SERPINI1: variants seen among roughly 807,000 people sequenced by gnomAD.
SERPINI1 encodes serpin family I member 1.
SERPINI1 carries 19 observed loss-of-function variants against 41.1 expected under a neutral mutation model. That is an observed-to-expected ratio of 0.46 (90% CI 0.32 to 0.68). The LOEUF is 0.68. Among genes scored for constraint, SERPINI1 ranks in the 30% least tolerant of loss-of-function variants. SERPINI1 has a pLI of 0.03. For missense variants in SERPINI1, 460 were observed against 479.2 expected (o/e 0.96, Z 0.37); for synonymous variants, 138 against 156.6 (o/e 0.88, Z 0.89).
intron 1 of SERPINI1, 133 bp from the exon 2 acceptor site, chr3:167,788,978 A>C: frequency 2.4e-6 from 2 of 821,248 alleles, no homozygotes; most frequent in East Asian, 2.7e-5. Flanking sequence ...GAGAATCCTC[A>C]GAACTTAGCA....
At chr3:167,771,626 T>A (rs1726751280) in intron 1 of SERPINI1, among the ~76,000 whole-genome samples, 1 of 152,246 alleles carries the variant, frequency 6.6e-6, no homozygotes, top group South Asian at 2.1e-4. Flanking sequence ...GTTTAACTTT[T>A]TTTTTAGTTA....
At chr3:167,788,369 C>T (rs1003299037) in intron 1 of SERPINI1, among the ~76,000 whole-genome samples, 2 of 152,136 alleles carry the variant, frequency 1.3e-5, no homozygotes, top group African/African-American at 4.8e-5. Context: ...TAAATAGAAA[C>T]ACCAGTTTGT....
chr3:167,756,832 A>C (rs1196471809), intron 1 of SERPINI1, among the ~76,000 whole-genome samples: 1 of 152,228 alleles, frequency 6.6e-6, no homozygotes, highest in African/African-American at 2.4e-5. Flanking sequence ...AGTATCTACA[A>C]TATGCAACCA....
rs1727474714 is a variant in SERPINI1 at position 167,790,616 on chromosome 3, T to C, written c.481+14T>C. 4 of 1,564,900 alleles carry C rather than the reference T, an allele frequency of 2.6e-6. No individual in the cohort carries two copies. The highest frequency in any genetic ancestry group is 2.7e-5 in the African/African-American group (2 of 73,788). On this transcript the variant is annotated intron_variant, in intron 3 of 8. Coordinates refer to ENST00000446050, the MANE Select transcript of SERPINI1 (RefSeq NM_001122752.2). ...ATAACACAAACAGTATGTCACTTGG[T>C]TCCTTTCTTCCTCTAGTAGCTTAGT...
At chr3:167,792,835 T>TA in intron 4 of SERPINI1, 51 bp downstream of exon 4, 1 of 1,457,320 alleles carries the variant, frequency 6.9e-7, no homozygotes, top group Non-Finnish European at 9.6e-7. Context: ...TATCAACAGA[T>TA]TTCTAAGAAA....
intron 1 of SERPINI1, among the ~76,000 whole-genome samples, chr3:167,752,997 T>G (rs1726091182): frequency 6.6e-6 from 1 of 152,196 alleles, no homozygotes; most frequent in Non-Finnish European, 1.5e-5. Flanking sequence ...AACACAGTTT[T>G]CAACTAGGTG....
chr3:167,809,549 A>C (rs562861281), intron 6 of SERPINI1, among the ~76,000 whole-genome samples: 1 of 152,214 alleles, frequency 6.6e-6, no homozygotes, highest in Non-Finnish European at 1.5e-5. Context: ...AGAGACAGAG[A>C]CAATAGACCA....
At chr3:167,780,000 G>T (rs1727069983) in intron 1 of SERPINI1, among the ~76,000 whole-genome samples, 1 of 152,024 alleles carries the variant, frequency 6.6e-6, no homozygotes, top group African/African-American at 2.4e-5. Context: ...ACAGGTTCTG[G>T]CCCATTGGCT....
At chr3:167,753,415 A>G (rs536330267) in intron 1 of SERPINI1, among the ~76,000 whole-genome samples, 1 of 152,198 alleles carries the variant, frequency 6.6e-6, no homozygotes, top group Non-Finnish European at 1.5e-5. Context: ...TTCTCATGAA[A>G]CTATAAGGGT....
chr3:167,771,390 T>C (rs1295563280), intron 1 of SERPINI1, among the ~76,000 whole-genome samples: 1 of 152,172 alleles, frequency 6.6e-6, no homozygotes, highest in African/African-American at 2.4e-5. Flanking sequence ...TGCTGTTAAA[T>C]GAAAGTAAAA....
chr3:167,811,743 G>T (rs1033431611), intron 6 of SERPINI1, among the ~76,000 whole-genome samples: 1 of 151,976 alleles, frequency 6.6e-6, no homozygotes, highest in Non-Finnish European at 1.5e-5. Context: ...TAGGCCAGGC[G>T]CAGTGACTCA....
chr3:167,786,587 G>T (rs189829625), intron 1 of SERPINI1, among the ~76,000 whole-genome samples: 361 of 151,742 alleles, frequency 2.4e-3, no homozygotes, highest in African/African-American at 8.2e-3. Flanking sequence ...AATGGAGCTT[G>T]CATGGGTAGA....
At chr3:167,783,732 G>A (rs1335645777) in intron 1 of SERPINI1, among the ~76,000 whole-genome samples, 2 of 152,208 alleles carry the variant, frequency 1.3e-5, no homozygotes, top group African/African-American at 4.8e-5. Flanking sequence ...AGGTAGCAGA[G>A]GCAAAGGAGG....
intron 1 of SERPINI1, among the ~76,000 whole-genome samples, chr3:167,769,843 C>T (rs1726684789): frequency 6.6e-6 from 1 of 151,692 alleles, no homozygotes; most frequent in Admixed American, 6.6e-5. Context: ...GTATTCATAT[C>T]CTTTGCCTGT....
In SERPINI1 at chr3:167,824,469, G is replaced by A. The variant is rs1414777080; in HGVS notation, c.1067-4G>A. ...CATATAATTACTTTTTATCTGCACT[G>A]TAGGAATGATTGCAATTAGTAGGAT... On this transcript the variant is annotated splice_region_variant and splice_polypyrimidine_tract_variant and intron_variant, in intron 7 of 8. Coordinates refer to ENST00000446050, the MANE Select transcript of SERPINI1 (RefSeq NM_001122752.2). 5 of 1,610,202 alleles carry A rather than the reference G, an allele frequency of 3.1e-6. No homozygotes were observed. Among genetic ancestry groups the A allele is most frequent in the Admixed American group, 3.3e-5 (2 of 60,000 alleles).
chr3:167,823,066 G>C lies in SERPINI1; in HGVS notation c.1060G>C (p.Val354Leu). 2 of 1,597,418 alleles carry C rather than the reference G, an allele frequency of 1.3e-6. No homozygotes were observed. The highest frequency in any genetic ancestry group is 1.7e-6 in the Non-Finnish European group (2 of 1,164,876). The stretch of plus-strand genomic sequence containing the variant: ...TGAAGAAGGCTCAGAAGCTGCTGCT[G>C]TCTCAGGTACTGTTTGCTAGAATCT... The part of the protein sequence containing the change: ...VNEEGSEAAA[V>L]SGMIAISRMA... The change falls in exon 7 of 9, where the codon GTC becomes CTC. Residue 354 changes from valine (V) to leucine (L), a missense_variant. By Grantham distance (32) the Val-to-Leu change is conservative. Transcript: ENST00000446050.
chr3:167,737,253 T>G (rs1438233730), intron 1 of SERPINI1, among the ~76,000 whole-genome samples: 1 of 152,116 alleles, frequency 6.6e-6, no homozygotes, highest in East Asian at 1.9e-4. Context: ...CACTCTCACA[T>G]ACCATAGAAA....
At chr3:167,779,128 T>G (rs1224720527) in intron 1 of SERPINI1, among the ~76,000 whole-genome samples, 1 of 152,204 alleles carries the variant, frequency 6.6e-6, no homozygotes, top group African/African-American at 2.4e-5. Flanking sequence ...AGCCTAATAT[T>G]CCAGTACCTT....
intron 1 of SERPINI1, among the ~76,000 whole-genome samples, chr3:167,756,718 A>G (rs1319553654): frequency 1.3e-5 from 2 of 152,216 alleles, no homozygotes; most frequent in South Asian, 2.1e-4. Context: ...GCCCCTTGTA[A>G]TGACTATGGC....
Sources: gnomAD v4.1 joint callset for allele counts (sites outside exome capture counted in the v4.1 genomes callset) on GRCh38, gnomAD v4.1.1 for gene constraint, MANE v1.5 for transcripts, NCBI Gene and HGNC (gene_info 2026-07-23, HGNC 2026-07-21) for gene names.